FSTL4: variants seen among roughly 807,000 people sequenced by gnomAD.
FSTL4 encodes follistatin-related protein 4.
In FSTL4, 28 loss-of-function variants were observed where a neutral mutation model predicts 78.2. The ratio of observed to expected loss-of-function variants is 0.36; its 90% confidence interval spans 0.27 to 0.49. The LOEUF is 0.49. FSTL4 is among the 20% of genes least tolerant of loss of function. FSTL4 has a pLI of 0.98. For synonymous variants in FSTL4, 422 were observed against 440.5 expected, an observed-to-expected ratio of 0.96 and a Z score of 0.53; for missense variants, 922 against 1,084.9, an observed-to-expected ratio of 0.85 and a Z score of 2.11.
chr5:133,657,641 A>C, the FSTL4 span, among the ~76,000 whole-genome samples: 1 of 152,118 alleles, frequency 6.6e-6, no homozygotes, highest in Non-Finnish European at 1.5e-5. Flanking sequence ...TCCTTGAAAA[A>C]TATGTAGTGT....
the FSTL4 span, among the ~76,000 whole-genome samples, chr5:133,699,880 C>CAAAAAAA: frequency 6.6e-4 from 41 of 62,364 alleles, 2 homozygotes; most frequent in Non-Finnish European, 7.5e-4. Context: ...GACTCCATCT[C>CAAAAAAA]AAAAAAAAAA....
At chr5:133,315,228 C>T (rs1479155921) in intron 5 of FSTL4, among the ~76,000 whole-genome samples, 2 of 152,200 alleles carry the variant, frequency 1.3e-5, no homozygotes, top group Non-Finnish European at 2.9e-5. Context: ...ATTTAACCCT[C>T]ATGATGACCC....
At chr5:133,437,485 GTT>G (rs11401684) in intron 3 of FSTL4, among the ~76,000 whole-genome samples, 96 of 95,356 alleles carry the variant, frequency 1.0e-3, no homozygotes, top group Non-Finnish European at 1.4e-3. Flanking sequence ...GTAAATAGGT[GTT>G]TTTTTTTTTT....
intron 4 of FSTL4, among the ~76,000 whole-genome samples, chr5:133,347,998 A>C (rs758115680): frequency 6.6e-6 from 1 of 152,138 alleles, no homozygotes; most frequent in South Asian, 2.1e-4. Context: ...CCAAAGCCAT[A>C]GTTTGGTGAG....
the FSTL4 span, among the ~76,000 whole-genome samples, chr5:133,762,976 G>C: frequency 6.6e-6 from 1 of 152,154 alleles, no homozygotes; most frequent in Non-Finnish European, 1.5e-5. Context: ...GAGCAGGATG[G>C]CACTAAGCCC....
At chr5:133,495,134 G>T (rs1758344199) in intron 3 of FSTL4, among the ~76,000 whole-genome samples, 3 of 152,208 alleles carry the variant, frequency 2.0e-5, no homozygotes, top group Admixed American at 2.0e-4. Context: ...CCACACACAT[G>T]CTAGCCCACT....
chr5:133,425,860 T>A (rs1218540462), intron 3 of FSTL4, among the ~76,000 whole-genome samples: 1 of 152,204 alleles, frequency 6.6e-6, no homozygotes, highest in East Asian at 1.9e-4. Context: ...ATAAGCCAAG[T>A]GGCGGAAGAA....
At chr5:133,383,433 AGGAC>A (rs2126954741) in intron 4 of FSTL4, among the ~76,000 whole-genome samples, 1 of 152,324 alleles carries the variant, frequency 6.6e-6, no homozygotes, top group African/African-American at 2.4e-5. Flanking sequence ...GCCTTTCTGA[AGGAC>A]GTGTCCTTTC....
At chr5:133,522,971 T>C (rs1759011591) in intron 3 of FSTL4, among the ~76,000 whole-genome samples, 1 of 152,182 alleles carries the variant, frequency 6.6e-6, no homozygotes. Context: ...GGGACTGAAT[T>C]GTGCCCCTGC....
At chr5:133,670,888 A>T in the FSTL4 span, among the ~76,000 whole-genome samples, 1 of 152,128 alleles carries the variant, frequency 6.6e-6, no homozygotes, top group South Asian at 2.1e-4. Context: ...CTCCAATTCC[A>T]TATCTACACC....
chr5:133,532,205 C>T (rs1464612571), intron 3 of FSTL4, among the ~76,000 whole-genome samples: 1 of 152,158 alleles, frequency 6.6e-6, no homozygotes, highest in Non-Finnish European at 1.5e-5. Context: ...AGGCAGGTAG[C>T]CTCCAGAAAC....
chr5:133,813,742 A>T, the FSTL4 span, among the ~76,000 whole-genome samples: 1 of 152,206 alleles, frequency 6.6e-6, no homozygotes, highest in Non-Finnish European at 1.5e-5. Flanking sequence ...CTGCCAAAAA[A>T]CAGAAGCAGT....
At chr5:133,424,143 C>G (rs1188772322) in intron 3 of FSTL4, among the ~76,000 whole-genome samples, 3 of 152,340 alleles carry the variant, frequency 2.0e-5, no homozygotes, top group East Asian at 3.9e-4. Flanking sequence ...CAGGGGACAC[C>G]TCAGACCCGA....
At chr5:133,757,706 C>T in the FSTL4 span, among the ~76,000 whole-genome samples, 5 of 152,026 alleles carry the variant, frequency 3.3e-5, no homozygotes, top group Non-Finnish European at 4.4e-5. Flanking sequence ...GCTTGGAATG[C>T]GAGGCAGTGA....
At chr5:133,444,260 C>T (rs994774194) in intron 3 of FSTL4, among the ~76,000 whole-genome samples, 4 of 152,194 alleles carry the variant, frequency 2.6e-5, no homozygotes, top group Admixed American at 6.5e-5. Context: ...TGGGAGGATT[C>T]GCCCTCCAGA....
chr5:133,307,556 T>C (rs974862632), intron 6 of FSTL4, among the ~76,000 whole-genome samples: 3 of 152,164 alleles, frequency 2.0e-5, no homozygotes, highest in Non-Finnish European at 4.4e-5. Context: ...TATCACTTTA[T>C]ACAACTGGAG....
chr5:133,672,202 G>A, the FSTL4 span, among the ~76,000 whole-genome samples: 1 of 151,218 alleles, frequency 6.6e-6, no homozygotes, highest in East Asian at 1.9e-4. Context: ...GAAGCAATGT[G>A]TATTACTTCC....
At chr5:133,240,523 A>G (rs1231600773) in intron 7 of FSTL4, among the ~76,000 whole-genome samples, 1 of 152,166 alleles carries the variant, frequency 6.6e-6, no homozygotes, top group Non-Finnish European at 1.5e-5. Flanking sequence ...AGTTGGAGGC[A>G]TGAGAGAAGC....
intron 4 of FSTL4, among the ~76,000 whole-genome samples, chr5:133,337,074 C>G (rs921607218): frequency 6.6e-6 from 1 of 152,302 alleles, no homozygotes; most frequent in Non-Finnish European, 1.5e-5. Context: ...GGCCTGTGTT[C>G]GGGGATGGCG....
Sources: gnomAD v4.1 joint callset for allele counts (sites outside exome capture counted in the v4.1 genomes callset) on GRCh38, gnomAD v4.1.1 for gene constraint, MANE v1.5 for transcripts, NCBI Gene and HGNC (gene_info 2026-07-23, HGNC 2026-07-21) for gene names.